Variants in STT3A observed in about 807,000 individuals in gnomAD.
STT3A encodes STT3 oligosaccharyltransferase complex catalytic subunit A.
STT3A carries 34 observed loss-of-function variants against 89.2 expected under a neutral mutation model. The observed-to-expected ratio is 0.38, with a 90% CI of 0.29 to 0.51. STT3A has a LOEUF of 0.51. Ranked by LOEUF, STT3A falls within the 20% of genes least tolerant of loss-of-function variation. The pLI is 0.89. For synonymous variants in STT3A, 282 were observed against 310.3 expected (o/e 0.91, Z 0.96); for missense variants, 555 against 889.5 (o/e 0.62, Z 4.78).
At chr11:125,620,487 T>G (rs1426677890) in intron 17 of STT3A, among the ~76,000 whole-genome samples, 1 of 152,214 alleles carries the variant, frequency 6.6e-6, no homozygotes, top group Non-Finnish European at 1.5e-5. Flanking sequence ...TTAAGGTATA[T>G]AGAGTCATAT....
chr11:125,602,296 G>A lies in STT3A; in HGVS notation c.150-7G>A, dbSNP rs1046390489. 8 of 1,609,480 alleles carry A rather than the reference G, an allele frequency of 5.0e-6. No individual in the cohort carries two copies. Among genetic ancestry groups the A allele is most frequent in the Non-Finnish European group, 6.8e-6 (8 of 1,178,852 alleles). ...AAATTTACAACAAAGTTTATTTCTTGCTATAGGTACTTTAATTATCGGACT... is the reference window on the plus strand; with the variant it reads ...AAATTTACAACAAAGTTTATTTCTTACTATAGGTACTTTAATTATCGGACT... On this transcript the variant is annotated splice_region_variant and splice_polypyrimidine_tract_variant and intron_variant, in intron 3 of 17. Coordinates refer to ENST00000392708, the MANE Select transcript of STT3A (RefSeq NM_152713.5).
intron 7 of STT3A, 69 bp from the exon 8 acceptor site, chr11:125,606,232 C>A: frequency 7.1e-7 from 1 of 1,400,620 alleles, no homozygotes; most frequent in Non-Finnish European, 9.8e-7. Context: ...CAGGTGATAT[C>A]CTACAATATA....
At position 125,608,469 on chromosome 11, in the gene STT3A, C is replaced by G. The variant is rs1183657433; in HGVS notation, c.961+180C>G. On this transcript the variant is annotated intron_variant, in intron 9 of 17. Coordinates refer to ENST00000392708, the MANE Select transcript of STT3A (RefSeq NM_152713.5). ...AGCTGGGATTACAGGCGCCTGCCACCGCGCCCGCCACCACGCCCAGCCAAT... is the reference window on the plus strand; with the variant it reads ...AGCTGGGATTACAGGCGCCTGCCACGGCGCCCGCCACCACGCCCAGCCAAT... 9.6e-6 allele frequency: 5 copies of G among 520,494 alleles called. No individual in the cohort carries two copies. The South Asian group carries it at 1.6e-4, about 17-fold the overall frequency. The allele number at this position is 520,494 out of a possible 1,614,324, so 32.2% of individuals were successfully genotyped here.
upstream of STT3A, among the ~76,000 whole-genome samples, chr11:125,592,132 G>A (rs1475303831): frequency 6.6e-6 from 1 of 152,170 alleles, no homozygotes. Context: ...GTGCCTCCGC[G>A]GCGGTGGCTG....
chr11:125,596,030 C>T, intron 2 of STT3A, 27 bp downstream of exon 2: 1 of 1,530,392 alleles, frequency 6.5e-7, no homozygotes, highest in South Asian at 1.2e-5. Flanking sequence ...ACCTCTCTTT[C>T]TTTGGGGATA....
chr11:125,602,816 CT>C lies in STT3A; in HGVS notation c.286del (p.Ser96LeufsTer55), dbSNP rs778916253. 1 of 1,614,128 alleles carries C rather than the reference CT, an allele frequency of 6.2e-7. No homozygotes were observed. Among genetic ancestry groups the C allele is most frequent in the South Asian group, 1.1e-5 (1 of 91,090 alleles). On this transcript the variant is annotated frameshift_variant, in exon 5 of 18. Coordinates refer to ENST00000392708, the MANE Select transcript of STT3A (RefSeq NM_152713.5). LOFTEE classifies it high-confidence loss of function. ...GTIYPGLMIT[S>X]AAIYHVLHFF... Reference sequence around the variant, plus strand: ...TTCCTGTTACAGGTTTAATGATCACCTCTGCTGCAATCTACCATGTACTCCA... The same window carrying C: ...TTCCTGTTACAGGTTTAATGATCACCCTGCTGCAATCTACCATGTACTCCA...
At chr11:125,606,102 T>C (rs953951108) in intron 7 of STT3A, 199 bp from the exon 8 acceptor site, 21 of 525,994 alleles carry the variant, frequency 4.0e-5, no homozygotes, top group Non-Finnish European at 6.6e-5. Flanking sequence ...TTATTTTGTG[T>C]GACCTGTACA....
At chr11:125,595,329 G>GT (rs1245739401) in intron 1 of STT3A, among the ~76,000 whole-genome samples, 3 of 151,934 alleles carry the variant, frequency 2.0e-5, no homozygotes, top group East Asian at 3.9e-4. Flanking sequence ...ATTTTAAACA[G>GT]TTTTTTGTGG....
chr11:125,608,038 T>C (rs1436204079), intron 8 of STT3A, 71 bp from the exon 9 acceptor site: 2 of 1,464,230 alleles, frequency 1.4e-6, no homozygotes, highest in Non-Finnish European at 1.8e-6. Flanking sequence ...TAGATAAGAA[T>C]AATGCAGGCC....
upstream of STT3A, chr11:125,591,890 G>A (rs1364875552): frequency 6.5e-6 from 1 of 154,106 alleles, no homozygotes; most frequent in African/African-American, 2.4e-5. Context: ...GGATAAAGGT[G>A]TACACGTGCG....
chr11:125,592,959 G>A (rs1249543061), intron 1 of STT3A, 41 bp downstream of exon 1: 1 of 169,092 alleles, frequency 5.9e-6, no homozygotes, highest in East Asian at 1.7e-4. Flanking sequence ...TCAGCGGCAG[G>A]TGCAGTCCAT....
At chr11:125,618,618 CA>C in intron 16 of STT3A, 57 bp downstream of exon 16, 4 of 1,503,188 alleles carry the variant, frequency 2.7e-6, no homozygotes, top group Non-Finnish European at 3.6e-6. Flanking sequence ...TACTAATACA[CA>C]GTATTTTCCA....
rs547465248 is a variant in STT3A at position 125,622,157 on chromosome 11, G to A, written c.*1347G>A. ...GGCGTTAATAAAAGCTAACTGTTTA[G>A]TGTTATCCATTTAAGGGAACAGGAG... On this transcript the variant is annotated 3_prime_UTR_variant, in exon 18 of 18. Coordinates refer to ENST00000392708, the MANE Select transcript of STT3A (RefSeq NM_152713.5). 6.6e-6 allele frequency: 1 copy of A among 152,358 alleles called. No homozygotes were observed. The highest frequency in any genetic ancestry group is 2.1e-4 in the South Asian group (1 of 4,824). The allele number at this position is 152,358 out of a possible 1,614,324, so 9.4% of individuals were successfully genotyped here.
intron 1 of STT3A, among the ~76,000 whole-genome samples, chr11:125,595,629 G>A (rs1217414478): frequency 6.6e-6 from 1 of 152,124 alleles, no homozygotes; most frequent in Non-Finnish European, 1.5e-5. Flanking sequence ...CTGTGAAGGA[G>A]TGGGAAATAG....
At chr11:125,611,899 C>G (rs1486073257) in intron 11 of STT3A, among the ~76,000 whole-genome samples, 5 of 64,422 alleles carry the variant, frequency 7.8e-5, no homozygotes, top group Non-Finnish European at 1.2e-4. Context: ...TTTTTTGAGA[C>G]AGAGTTTCAC....
In STT3A at chr11:125,613,183, G is replaced by A. The variant is rs781672793; in HGVS notation, c.1554+6G>A. 1.4e-6 allele frequency: 2 copies of A among 1,467,452 alleles called. No homozygotes were observed. Among genetic ancestry groups the A allele is most frequent in the Non-Finnish European group, 1.9e-6 (2 of 1,066,588 alleles). The allele number at this position is 1,467,452 out of a possible 1,614,324, so 90.9% of individuals were successfully genotyped here. A position where few individuals can be genotyped will look rare whatever the true frequency, so the allele number is the denominator to read the frequency against. On this transcript the variant is annotated splice_donor_region_variant and intron_variant, in intron 13 of 17. Transcript: ENST00000392708. This position sits in a 1 kb window ranked among gnomAD's most constrained non-coding sequence, Gnocchi z 4.2. The stretch of plus-strand genomic sequence containing the variant: ...TTCGTCATAATACTCCAGAGGTGAA[G>A]ATTTGGGAGGGGTGGGAATTGTGGG...
At chr11:125,601,311 T>C (rs753859530) in intron 3 of STT3A, among the ~76,000 whole-genome samples, 2 of 152,200 alleles carry the variant, frequency 1.3e-5, no homozygotes, top group Non-Finnish European at 1.5e-5. Context: ...TTTAAAAATA[T>C]GTTCCTGTCA....
chr11:125,598,126 C>T (rs1379941929), intron 3 of STT3A, among the ~76,000 whole-genome samples: 1 of 152,044 alleles, frequency 6.6e-6, no homozygotes, highest in African/African-American at 2.4e-5. Context: ...GCAGGAGAAT[C>T]GCTTGAACGC....
At chr11:125,592,556 G>C, upstream of STT3A, 1 of 449,346 alleles carries the variant, frequency 2.2e-6, no homozygotes, top group South Asian at 1.6e-5. Flanking sequence ...GACTCCCCGT[G>C]GGTCCGCAAA....
Sources: gnomAD v4.1 joint callset for allele counts (sites outside exome capture counted in the v4.1 genomes callset) on GRCh38, gnomAD v4.1.1 for gene constraint, Gnocchi (gnomAD v3.1) non-coding constraint, MANE v1.5 for transcripts, NCBI Gene and HGNC (gene_info 2026-07-23, HGNC 2026-07-21) for gene names.